The following NCKAP5 variants were observed in gnomAD, a reference collection of about 807,000 sequenced individuals.
NCKAP5 encodes NCK associated protein 5.
A neutral mutation model predicts 167.0 loss-of-function variants in NCKAP5; 92 were observed. The ratio of observed to expected loss-of-function variants is 0.55; its 90% CI spans 0.47 to 0.66. NCKAP5 has a LOEUF of 0.66. Among genes scored for constraint, NCKAP5 ranks in the 30% least tolerant of loss-of-function variants. The probability of loss-of-function intolerance (pLI) is 0.00; values close to 1 mark genes in which losing one functional copy is unlikely to be tolerated. For synonymous variants in NCKAP5, 891 were observed against 877.4 expected, an observed-to-expected ratio of 1.02 and a Z score of -0.27; for missense variants, 2,378 against 2,315.0, an observed-to-expected ratio of 1.03 and a Z score of -0.56.
the NCKAP5 span, among the ~76,000 whole-genome samples, chr2:133,617,969 G>A: frequency 5.3e-5 from 8 of 152,066 alleles, no homozygotes; most frequent in Non-Finnish European, 1.0e-4. Context: ...TAGATCAATG[G>A]AACAGAACAG....
At chr2:132,994,371 C>A in intron 6 of NCKAP5, 132 bp from the exon 7 acceptor site, 1 of 642,602 alleles carries the variant, frequency 1.6e-6, no homozygotes, top group Non-Finnish European at 2.6e-6. Flanking sequence ...CTCTCTACTT[C>A]ATCTTCTATC....
intron 5 of NCKAP5, among the ~76,000 whole-genome samples, chr2:133,184,670 G>A (rs145001483): frequency 6.6e-6 from 1 of 152,122 alleles, no homozygotes; most frequent in African/African-American, 2.4e-5. Context: ...TGACTGGTGT[G>A]AGATGGTATC....
chr2:133,508,815 G>C (rs1281981610), intron 3 of NCKAP5, among the ~76,000 whole-genome samples: 2 of 152,206 alleles, frequency 1.3e-5, no homozygotes, highest in African/African-American at 2.4e-5. Context: ...AGATCTTGGA[G>C]CCCTAAGAAC....
chr2:133,425,697 CA>C (rs1005903138), intron 3 of NCKAP5, among the ~76,000 whole-genome samples: 1 of 152,022 alleles, frequency 6.6e-6, no homozygotes, highest in East Asian at 1.9e-4. Context: ...GTGGGAAATA[CA>C]AAAAGAGTCT....
At chr2:133,661,192 T>C in the NCKAP5 span, among the ~76,000 whole-genome samples, 2 of 151,840 alleles carry the variant, frequency 1.3e-5, no homozygotes, top group Non-Finnish European at 2.9e-5. Context: ...GCGAAGAAGA[T>C]GAAAGAGAGA....
In NCKAP5 at chr2:133,474,112, A is replaced by ATTATC. The variant is rs142518396; in HGVS notation, c.69+43345_69+43346insGATAA. 5.1e-5 allele frequency among the ~76,000 whole-genome samples: 7 copies of ATTATC among 137,858 alleles called. No individual in the cohort carries two copies. The South Asian group carries it at 7.2e-4, about 14-fold the overall frequency. 90.4% of individuals were successfully genotyped at this position (137,858 alleles called of 152,430 possible). A position where few individuals can be genotyped will look rare whatever the true frequency, so the allele number is the denominator to read the frequency against. On this transcript the variant is annotated intron_variant, in intron 3 of 19. Transcript: ENST00000409261. The stretch of plus-strand genomic sequence containing the variant: ...CAGATGAATGGATAAAGAAAATGTG[A>ATTATC]TATCTATCTATCTATCTATCTATCT...
chr2:132,738,039 T>C lies in NCKAP5; in HGVS notation c.5129-5988A>G, dbSNP rs190808597. ...AAACAATAAACCTTTAGAATGGTCT[T>C]CCTCATCGTTAATGGATGTGAACCT... On this transcript the variant is annotated intron_variant, in intron 16 of 19. Coordinates refer to ENST00000409261, the MANE Select transcript of NCKAP5 (RefSeq NM_207363.3). Among the ~76,000 whole-genome samples the C allele has an allele frequency of 1.1e-4, 16 of 152,312 alleles. No individual in the cohort carries two copies. In the East Asian group the frequency reaches 2.9e-3, roughly 28 times the overall value.
chr2:133,557,706 T>C (rs1034190416), intron 2 of NCKAP5, among the ~76,000 whole-genome samples: 25 of 152,260 alleles, frequency 1.6e-4, no homozygotes, highest in African/African-American at 5.8e-4. Flanking sequence ...AATTAGATGC[T>C]TTGGAGAAAC....
At chr2:133,375,520 T>C (rs1309950982) in intron 3 of NCKAP5, among the ~76,000 whole-genome samples, 1 of 152,242 alleles carries the variant, frequency 6.6e-6, no homozygotes, top group Non-Finnish European at 1.5e-5. Context: ...GGGTTTGCTG[T>C]ACAGGTTATT....
At chr2:133,211,886 A>G (rs2086225549) in intron 5 of NCKAP5, among the ~76,000 whole-genome samples, 1 of 152,188 alleles carries the variant, frequency 6.6e-6, no homozygotes, top group Admixed American at 6.5e-5. Flanking sequence ...TGTTTTAAAA[A>G]GGGGTTTTGT....
chr2:132,934,256 C>T (rs1289609460), intron 8 of NCKAP5, among the ~76,000 whole-genome samples: 2 of 152,148 alleles, frequency 1.3e-5, no homozygotes, highest in African/African-American at 4.8e-5. Context: ...TACGTGAAGT[C>T]ATGGATAATT....
At chr2:133,056,478 T>C (rs2079805563) in intron 6 of NCKAP5, among the ~76,000 whole-genome samples, 1 of 152,188 alleles carries the variant, frequency 6.6e-6, no homozygotes, top group Non-Finnish European at 1.5e-5. Context: ...TTTAAAATGC[T>C]GATTTGCTTC....
intron 3 of NCKAP5, among the ~76,000 whole-genome samples, chr2:133,510,919 GGTT>G (rs1683432930): frequency 6.6e-6 from 1 of 152,110 alleles, no homozygotes; most frequent in Admixed American, 6.5e-5. Context: ...TACCTTAAAG[GGTT>G]GTTGTTAAAT....
intron 3 of NCKAP5, among the ~76,000 whole-genome samples, chr2:133,515,859 C>T (rs904987748): frequency 6.6e-6 from 1 of 152,244 alleles, no homozygotes; most frequent in Non-Finnish European, 1.5e-5. Flanking sequence ...CTGCCTTCTT[C>T]TATTTTACCA....
At position 133,435,242 on chromosome 2, in the gene NCKAP5, G is replaced by A. The variant is rs149775600; in HGVS notation, c.69+82216C>T. On this transcript the variant is annotated intron_variant, in intron 3 of 19. Transcript: ENST00000409261. ...ATGTAATGCTCAGGAGGTGATTTAG[G>A]CCTACTTAATCTCCAGGACATCTGA... Among the ~76,000 whole-genome samples the A allele has an allele frequency of 3.9e-5, 6 of 152,252 alleles. No homozygotes were observed. In the East Asian group the frequency reaches 1.2e-3, roughly 29 times the overall value.
intron 11 of NCKAP5, 97 bp downstream of exon 11, chr2:132,860,395 T>G (rs754706727): frequency 1.5e-6 from 2 of 1,326,696 alleles, no homozygotes; most frequent in African/African-American, 1.5e-5. Context: ...TGATGCAATA[T>G]GCCTTGCTCA....
At chr2:133,125,405 G>A (rs2082372280) in intron 6 of NCKAP5, among the ~76,000 whole-genome samples, 1 of 152,138 alleles carries the variant, frequency 6.6e-6, no homozygotes, top group South Asian at 2.1e-4. Context: ...AGGGAAGACA[G>A]TTCCATAGTC....
intron 6 of NCKAP5, among the ~76,000 whole-genome samples, chr2:133,100,183 C>T (rs139189552): frequency 1.3e-5 from 2 of 152,246 alleles, no homozygotes; most frequent in African/African-American, 2.4e-5. Context: ...TCAAGTACAC[C>T]GAATCTCCCA....
chr2:133,361,152 C>T (rs1685076990), intron 3 of NCKAP5, among the ~76,000 whole-genome samples: 1 of 152,038 alleles, frequency 6.6e-6, no homozygotes, highest in South Asian at 2.1e-4. Flanking sequence ...AGGAGCTTCA[C>T]CAGCCCACAA....
Sources: gnomAD v4.1 joint callset for allele counts (sites outside exome capture counted in the v4.1 genomes callset) on GRCh38, gnomAD v4.1.1 for gene constraint, MANE v1.5 for transcripts, NCBI Gene and HGNC (gene_info 2026-07-23, HGNC 2026-07-21) for gene names.